DLG2: variants seen among roughly 807,000 people sequenced by gnomAD.
DLG2 encodes discs large MAGUK scaffold protein 2.
Under a neutral mutation model 132.5 loss-of-function variants are expected in DLG2, and 45 were observed. That is an observed-to-expected ratio of 0.34 (90% CI 0.27 to 0.44). DLG2 has a LOEUF of 0.44. Among genes scored for constraint, DLG2 ranks in the 20% least tolerant of loss-of-function variants. The pLI, the probability that DLG2 is intolerant of heterozygous loss-of-function variation, is 1.00. For missense variants in DLG2, 1,045 were observed against 1,196.9 expected (o/e 0.87, Z 1.87); for synonymous variants, 424 against 419.6 (o/e 1.01, Z -0.13).
At chr11:84,005,802 A>G (rs903809305) in intron 11 of DLG2, among the ~76,000 whole-genome samples, 2 of 151,956 alleles carry the variant, frequency 1.3e-5, no homozygotes, top group African/African-American at 4.8e-5. Context: ...AATGGCTATT[A>G]TTAAAAAGAC....
intron 19 of DLG2, among the ~76,000 whole-genome samples, chr11:83,549,693 TA>T (rs1351517184): frequency 6.6e-6 from 1 of 152,196 alleles, no homozygotes; most frequent in Non-Finnish European, 1.5e-5. Context: ...TCTTATTTTA[TA>T]AAAATCACAA....
intron 3 of DLG2, among the ~76,000 whole-genome samples, chr11:85,592,786 G>A (rs952407185): frequency 9.9e-5 from 15 of 151,566 alleles, no homozygotes; most frequent in Admixed American, 6.6e-4. Flanking sequence ...TCTCCTTTCC[G>A]CAAAAAAAAT....
chr11:84,540,534 G>A (rs2099366008), intron 6 of DLG2, among the ~76,000 whole-genome samples: 1 of 152,052 alleles, frequency 6.6e-6, no homozygotes, highest in Non-Finnish European at 1.5e-5. Flanking sequence ...TTAAAAGTCA[G>A]GAAACAACAG....
At chr11:84,426,888 A>G (rs1449668519) in intron 7 of DLG2, among the ~76,000 whole-genome samples, 2 of 152,144 alleles carry the variant, frequency 1.3e-5, no homozygotes, top group Non-Finnish European at 2.9e-5. Context: ...AATGTATGGG[A>G]AAGGCTGGGA....
At chr11:84,881,768 G>A (rs531168273) in intron 6 of DLG2, among the ~76,000 whole-genome samples, 5 of 152,188 alleles carry the variant, frequency 3.3e-5, no homozygotes, top group Non-Finnish European at 7.4e-5. Context: ...GGAGAAATCA[G>A]AAAGGCAGAT....
intron 7 of DLG2, among the ~76,000 whole-genome samples, chr11:84,448,342 T>G (rs1003717472): frequency 6.6e-6 from 1 of 152,044 alleles, no homozygotes; most frequent in Non-Finnish European, 1.5e-5. Flanking sequence ...CATAATCAAT[T>G]CCTTATGAGC....
intron 5 of DLG2, among the ~76,000 whole-genome samples, chr11:85,120,694 T>A (rs2074199447): frequency 1.3e-5 from 2 of 152,086 alleles, no homozygotes; most frequent in African/African-American, 4.8e-5. Flanking sequence ...AAAAAATTAA[T>A]ACTTTATGAA....
intron 3 of DLG2, among the ~76,000 whole-genome samples, chr11:85,332,768 T>C (rs1307781523): frequency 1.3e-5 from 2 of 152,070 alleles, no homozygotes; most frequent in Admixed American, 1.3e-4. Context: ...TGACTGTAGG[T>C]GTGTGGATTT....
chr11:84,032,304 G>A (rs988003297), intron 11 of DLG2, among the ~76,000 whole-genome samples: 8 of 152,160 alleles, frequency 5.3e-5, no homozygotes, highest in East Asian at 1.9e-4. Context: ...AAGAGTTCTT[G>A]AAGGAAATTG....
intron 21 of DLG2, among the ~76,000 whole-genome samples, chr11:83,497,786 A>G (rs1054655531): frequency 6.6e-6 from 1 of 152,110 alleles, no homozygotes; most frequent in African/African-American, 2.4e-5. Flanking sequence ...ACAATTCAAT[A>G]ATGGAAAACT....
chr11:85,006,576 C>T (rs1309888824), intron 6 of DLG2, among the ~76,000 whole-genome samples: 1 of 152,094 alleles, frequency 6.6e-6, no homozygotes, highest in Non-Finnish European at 1.5e-5. Context: ...GGTGATGTCC[C>T]CATTGTCATT....
chr11:84,538,965 G>A (rs1464118655), intron 6 of DLG2, among the ~76,000 whole-genome samples: 2 of 152,100 alleles, frequency 1.3e-5, no homozygotes, highest in African/African-American at 4.8e-5. Flanking sequence ...TTCTCTGCTT[G>A]TATTCAAATC....
At chr11:83,497,534 C>CAAAAA (rs201552213) in intron 21 of DLG2, among the ~76,000 whole-genome samples, 3 of 84,158 alleles carry the variant, frequency 3.6e-5, no homozygotes, top group Non-Finnish European at 9.2e-5. Context: ...GACTTCGTCT[C>CAAAAA]AAAAACAAAA....
intron 7 of DLG2, among the ~76,000 whole-genome samples, chr11:84,430,144 A>C (rs1375947434): frequency 1.3e-5 from 2 of 152,146 alleles, no homozygotes; most frequent in African/African-American, 4.8e-5. Flanking sequence ...TCATCTATGA[A>C]ATGCAGCTAA....
intron 19 of DLG2, among the ~76,000 whole-genome samples, chr11:83,627,281 T>C (rs535057152): frequency 9.1e-4 from 138 of 152,220 alleles, no homozygotes; most frequent in African/African-American, 3.1e-3. Context: ...TATGTATACA[T>C]GTGCCATGTT....
At chr11:85,531,235 A>C (rs1214029519) in intron 3 of DLG2, among the ~76,000 whole-genome samples, 2 of 152,198 alleles carry the variant, frequency 1.3e-5, no homozygotes, top group Non-Finnish European at 2.9e-5. Context: ...TTATTCCCTT[A>C]TCCTACATTC....
chr11:84,941,146 G>A (rs1228627964), intron 6 of DLG2, among the ~76,000 whole-genome samples: 1 of 152,146 alleles, frequency 6.6e-6, no homozygotes, highest in African/African-American at 2.4e-5. Context: ...AGTATAATTT[G>A]AAGTCAGGCA....
intron 6 of DLG2, among the ~76,000 whole-genome samples, chr11:85,045,414 T>C (rs945593160): frequency 7.2e-5 from 11 of 152,014 alleles, no homozygotes; most frequent in African/African-American, 2.7e-4. Context: ...AACCAACAGA[T>C]GGGAATATGC....
chr11:85,000,400 T>G (rs1592465595), intron 6 of DLG2, among the ~76,000 whole-genome samples: 1 of 152,194 alleles, frequency 6.6e-6, no homozygotes, highest in Non-Finnish European at 1.5e-5. Flanking sequence ...AATACTGAGT[T>G]GGAGTTTTAA....
Sources: gnomAD v4.1 joint callset for allele counts (sites outside exome capture counted in the v4.1 genomes callset) on GRCh38, gnomAD v4.1.1 for gene constraint, MANE v1.5 for transcripts, NCBI Gene and HGNC (gene_info 2026-07-23, HGNC 2026-07-21) for gene names.